PTPRD: variants seen among roughly 807,000 people sequenced by gnomAD.
The protein encoded by PTPRD is receptor-type tyrosine-protein phosphatase delta.
In PTPRD, 34 loss-of-function variants were observed where a neutral mutation model predicts 214.5. That is an observed-to-expected ratio of 0.16 (90% confidence interval 0.12 to 0.21). The LOEUF is 0.21. Among genes scored for constraint, PTPRD ranks in the 10% least tolerant of loss-of-function variants. PTPRD has a pLI of 1.00. For missense variants in PTPRD, 2,545 were observed against 2,398.7 expected (o/e 1.06, Z -1.27); for synonymous variants, 1,128 against 845.7 (o/e 1.33, Z -5.79).
intron 14 of PTPRD, among the ~76,000 whole-genome samples, chr9:8,532,149 T>C (rs1393637840): frequency 6.6e-6 from 1 of 152,084 alleles, no homozygotes; most frequent in East Asian, 1.9e-4. Context: ...CGTTAAATTT[T>C]CATGAGAAAC....
At chr9:8,356,251 T>C (rs1231202080) in intron 39 of PTPRD, among the ~76,000 whole-genome samples, 1 of 152,096 alleles carries the variant, frequency 6.6e-6, no homozygotes, top group Non-Finnish European at 1.5e-5. Flanking sequence ...GCAAATCAGA[T>C]ACCATGTAAT....
intron 44 of PTPRD, among the ~76,000 whole-genome samples, 177 bp downstream of exon 44, chr9:8,331,405 G>C (rs1840812928): frequency 9.5e-6 from 1 of 105,530 alleles, no homozygotes; most frequent in Non-Finnish European, 1.6e-5. Context: ...ATTTTCCTCT[G>C]ATTATTTTCA....
intron 11 of PTPRD, among the ~76,000 whole-genome samples, chr9:8,857,065 C>T (rs1280727114): frequency 7.9e-5 from 12 of 152,130 alleles, no homozygotes; most frequent in Admixed American, 7.9e-4. Flanking sequence ...ACCAGATTCC[C>T]GCAGCTGAAC....
intron 7 of PTPRD, among the ~76,000 whole-genome samples, chr9:9,638,513 A>G (rs2095842760): frequency 2.0e-5 from 3 of 152,186 alleles, no homozygotes; most frequent in Admixed American, 1.3e-4. Context: ...CAATTAAGTA[A>G]TGTCTAAGAA....
At chr9:10,338,269 C>T (rs138295253) in intron 3 of PTPRD, among the ~76,000 whole-genome samples, 188 of 151,624 alleles carry the variant, frequency 1.2e-3, no homozygotes, top group African/African-American at 4.4e-3. Context: ...GCCTGCACAG[C>T]CTCACCTTTT....
At chr9:9,776,846 C>G (rs968937086) in intron 5 of PTPRD, among the ~76,000 whole-genome samples, 1 of 152,188 alleles carries the variant, frequency 6.6e-6, no homozygotes, top group African/African-American at 2.4e-5. Flanking sequence ...GCACACCAGA[C>G]AGCAAAGCCC....
At chr9:10,475,134 T>A (rs190852993) in intron 2 of PTPRD, among the ~76,000 whole-genome samples, 1 of 151,762 alleles carries the variant, frequency 6.6e-6, no homozygotes, top group East Asian at 1.9e-4. Flanking sequence ...TAACTAAGAT[T>A]AGAGCAGAAT....
At chr9:9,114,982 C>G (rs1033437017) in intron 10 of PTPRD, among the ~76,000 whole-genome samples, 1 of 152,058 alleles carries the variant, frequency 6.6e-6, no homozygotes, top group African/African-American at 2.4e-5. Context: ...ATCTACATTT[C>G]ATGGTTGTGC....
At position 10,504,016 on chromosome 9, in the gene PTPRD, T is replaced by G. The variant is rs914202715; in HGVS notation, c.-600+108382A>C. On this transcript the variant is annotated intron_variant, in intron 2 of 45. Transcript: ENST00000381196. ...CTGTAGTCCCAGCTACTCCGGAGAC[T>G]GAAGCAGGAGAATGGCGTGAACCCG... Among the ~76,000 whole-genome samples, 6 of 145,422 alleles carry G rather than the reference T, an allele frequency of 4.1e-5. No individual in the cohort carries two copies. The Admixed American group carries it at 4.4e-4, about 11-fold the overall frequency.
intron 3 of PTPRD, among the ~76,000 whole-genome samples, chr9:10,317,836 C>G (rs1002708113): frequency 3.0e-4 from 45 of 151,944 alleles, no homozygotes; most frequent in African/African-American, 1.1e-3. Context: ...GAAAATTTAC[C>G]TTTGGCTCAC....
At chr9:9,060,471 A>G (rs2099705030) in intron 10 of PTPRD, among the ~76,000 whole-genome samples, 1 of 152,194 alleles carries the variant, frequency 6.6e-6, no homozygotes, top group Non-Finnish European at 1.5e-5. Context: ...CACAAAATAC[A>G]TTAAACATAA....
At chr9:10,279,725 C>CT (rs1245251721) in intron 3 of PTPRD, among the ~76,000 whole-genome samples, 1 of 150,508 alleles carries the variant, frequency 6.6e-6, no homozygotes, top group Non-Finnish European at 1.5e-5. Flanking sequence ...AAAAAAAAGC[C>CT]TTTCCTCTGA....
At chr9:10,471,807 T>C (rs1161938714) in intron 2 of PTPRD, among the ~76,000 whole-genome samples, 1 of 152,072 alleles carries the variant, frequency 6.6e-6, no homozygotes, top group South Asian at 2.1e-4. Flanking sequence ...ATTTATAAAA[T>C]CAATTTTAGC....
intron 39 of PTPRD, among the ~76,000 whole-genome samples, chr9:8,345,619 C>T (rs1333017416): frequency 6.6e-6 from 1 of 151,966 alleles, no homozygotes; most frequent in Non-Finnish European, 1.5e-5. Context: ...ACTCCAGACA[C>T]AAAATAATCC....
At chr9:10,237,375 A>C (rs1367841805) in intron 3 of PTPRD, among the ~76,000 whole-genome samples, 1 of 151,850 alleles carries the variant, frequency 6.6e-6, no homozygotes, top group Non-Finnish European at 1.5e-5. Context: ...CTTCATGATA[A>C]GTGTGCATTT....
At chr9:8,718,452 C>A (rs2098459340) in intron 12 of PTPRD, among the ~76,000 whole-genome samples, 1 of 152,158 alleles carries the variant, frequency 6.6e-6, no homozygotes, top group South Asian at 2.1e-4. Context: ...CTTTTTATAA[C>A]CTTTTCTGAT....
At chr9:9,988,164 T>C (rs1473720157) in intron 4 of PTPRD, among the ~76,000 whole-genome samples, 1 of 152,162 alleles carries the variant, frequency 6.6e-6, no homozygotes, top group East Asian at 1.9e-4. Flanking sequence ...AACATAATGA[T>C]TAAATTCTGC....
At chr9:9,869,078 C>A (rs1600330033) in intron 5 of PTPRD, among the ~76,000 whole-genome samples, 1 of 152,234 alleles carries the variant, frequency 6.6e-6, no homozygotes, top group South Asian at 2.1e-4. Flanking sequence ...CAACTACTTA[C>A]ATAAAACCAA....
intron 2 of PTPRD, among the ~76,000 whole-genome samples, chr9:10,610,036 G>A (rs188136515): frequency 1.3e-5 from 2 of 152,052 alleles, no homozygotes; most frequent in African/African-American, 4.8e-5. Flanking sequence ...GTATTTCATC[G>A]GGCCATTATC....
Sources: allele counts gnomAD v4.1 joint callset (sites outside exome capture counted in the v4.1 genomes callset), GRCh38; gene constraint gnomAD v4.1.1; transcripts MANE v1.5; gene names NCBI Gene and HGNC (gene_info 2026-07-23, HGNC 2026-07-21).